Variants in CD82 observed in about 807,000 individuals in gnomAD.
CD82 encodes the protein CD82 molecule, also known as CD82 antigen.
Under a neutral mutation model 37.4 loss-of-function variants are expected in CD82, and 36 were observed. The ratio of observed to expected loss-of-function variants is 0.96; its 90% confidence interval spans 0.74 to 1.27. CD82 has a LOEUF of 1.27. Ranked by LOEUF, CD82 falls within the 50% of genes most tolerant of loss-of-function variation. CD82 has a pLI of 0.00. For missense variants in CD82, 340 were observed against 347.0 expected (o/e 0.98, Z 0.16); for synonymous variants, 158 against 137.4 (o/e 1.15, Z -1.05).
chr11:44,601,727 G>A (rs1339226197), intron 4 of CD82, among the ~76,000 whole-genome samples: 1 of 152,176 alleles, frequency 6.6e-6, no homozygotes, highest in Non-Finnish European at 1.5e-5. Flanking sequence ...AGGAGGGGGT[G>A]CATTTTACAA....
At chr11:44,605,518 C>G in intron 6 of CD82, 89 bp downstream of exon 6, 1 of 1,198,406 alleles carries the variant, frequency 8.3e-7, no homozygotes, top group Admixed American at 1.8e-5. Context: ...GGAACCCCCC[C>G]AGTTGTCACA....
chr11:44,579,200 A>G (rs1565081734), intron 1 of CD82, among the ~76,000 whole-genome samples: 1 of 152,018 alleles, frequency 6.6e-6, no homozygotes, highest in African/African-American at 2.4e-5. Flanking sequence ...CAAGGCTGAG[A>G]AAAATGTGCT....
chr11:44,568,380 G>A (rs1051629599), intron 1 of CD82, among the ~76,000 whole-genome samples: 1 of 152,162 alleles, frequency 6.6e-6, no homozygotes, highest in African/African-American at 2.4e-5. Context: ...TACATAGCAG[G>A]GTCTCAGGAA....
chr11:44,611,282 G>A (rs754973259), intron 6 of CD82, among the ~76,000 whole-genome samples: 1 of 152,224 alleles, frequency 6.6e-6, no homozygotes, highest in African/African-American at 2.4e-5. Flanking sequence ...GGCTCAGCTG[G>A]ATCCCAAAGG....
At chr11:44,613,168 C>T (rs1431717715) in intron 6 of CD82, among the ~76,000 whole-genome samples, 1 of 152,188 alleles carries the variant, frequency 6.6e-6, no homozygotes, top group African/African-American at 2.4e-5. Context: ...GGTGTGTGGC[C>T]TTCTCCTTGG....
intron 1 of CD82, among the ~76,000 whole-genome samples, chr11:44,566,728 C>G (rs1852740806): frequency 6.6e-6 from 1 of 152,216 alleles, no homozygotes; most frequent in African/African-American, 2.4e-5. Context: ...AGTGAGACCT[C>G]CCTCTGTGAC....
chr11:44,588,245 G>C (rs571918518), intron 2 of CD82, among the ~76,000 whole-genome samples: 1 of 148,390 alleles, frequency 6.7e-6, no homozygotes, highest in Non-Finnish European at 1.5e-5. Flanking sequence ...TTTTTTTTAG[G>C]TGGAGTCTCA....
intron 1 of CD82, among the ~76,000 whole-genome samples, chr11:44,566,823 GCTACAGC>G (rs1420554854): frequency 6.6e-6 from 1 of 152,024 alleles, no homozygotes; most frequent in Non-Finnish European, 1.5e-5. Flanking sequence ...GATGGGGTTG[GCTACAGC>G]CCCTCCTGAC....
intron 1 of CD82, among the ~76,000 whole-genome samples, chr11:44,576,855 A>G (rs1010399493): frequency 6.6e-6 from 1 of 152,198 alleles, no homozygotes; most frequent in Non-Finnish European, 1.5e-5. Flanking sequence ...TGAGGATGAC[A>G]GGGCAGGGAG....
intron 1 of CD82, among the ~76,000 whole-genome samples, chr11:44,579,682 G>C (rs1449042111): frequency 6.6e-6 from 1 of 152,176 alleles, no homozygotes; most frequent in Non-Finnish European, 1.5e-5. Flanking sequence ...TCCTGCCAGA[G>C]CTGCCAAGTG....
intron 1 of CD82, among the ~76,000 whole-genome samples, chr11:44,566,871 C>G (rs929082113): frequency 3.3e-5 from 5 of 151,946 alleles, no homozygotes; most frequent in African/African-American, 1.2e-4. Flanking sequence ...CCACCTGCCA[C>G]CAACATCACT....
intron 2 of CD82, among the ~76,000 whole-genome samples, chr11:44,592,452 C>T (rs1853159292): frequency 6.6e-6 from 1 of 152,196 alleles, no homozygotes; most frequent in South Asian, 2.1e-4. Context: ...TGGGAGGAGA[C>T]CTGGTCAGGC....
At chr11:44,604,300 C>T (rs145692780) in intron 4 of CD82, 114 of 153,426 alleles carry the variant, frequency 7.4e-4, no homozygotes, top group African/African-American at 2.7e-3. Flanking sequence ...ATGCAGCACA[C>T]CTGTAGCAAT....
chr11:44,600,316 C>T (rs1460487995), intron 4 of CD82, 86 bp downstream of exon 4: 25 of 1,265,164 alleles, frequency 2.0e-5, no homozygotes, highest in Admixed American at 8.7e-5. Flanking sequence ...ATAAGTGCTT[C>T]GGCTTCAATG....
chr11:44,579,910 A>G (rs562647785), intron 1 of CD82, among the ~76,000 whole-genome samples: 1 of 152,304 alleles, frequency 6.6e-6, no homozygotes, highest in Non-Finnish European at 1.5e-5. Flanking sequence ...GTTGCCTCAG[A>G]CACTCTGGGT....
intron 9 of CD82, 71 bp downstream of exon 9, chr11:44,618,794 T>A (rs545079990): frequency 3.7e-6 from 5 of 1,368,804 alleles, no homozygotes; most frequent in Non-Finnish European, 5.1e-6. Flanking sequence ...GCTGATCTCC[T>A]TGGGGAGGTG....
chr11:44,602,754 A>G lies in CD82; in HGVS notation c.137-2304A>G, dbSNP rs1388842008. Among the ~76,000 whole-genome samples, 6 of 152,178 alleles carry G rather than the reference A, an allele frequency of 3.9e-5. No individual in the cohort carries two copies. The South Asian group carries it at 1.0e-3, about 26-fold the overall frequency. On this transcript the variant is annotated intron_variant, in intron 4 of 9. Transcript: ENST00000227155. ...ACCTACTTCCTAAGTCAGCTTGCTC[A>G]GATATGGGGTAGGCCTGGGATCCTG... is the stretch of plus-strand genomic sequence containing the variant.
chr11:44,601,155 T>C (rs1417313008), intron 4 of CD82, among the ~76,000 whole-genome samples: 1 of 152,142 alleles, frequency 6.6e-6, no homozygotes, highest in Non-Finnish European at 1.5e-5. Context: ...CTCCCCTCGC[T>C]GAGTTTGGCC....
In CD82 at chr11:44,594,954, C is replaced by G. The variant is rs374900881; in HGVS notation, c.63+229C>G. 216 of 558,212 alleles carry G rather than the reference C, an allele frequency of 3.9e-4. No individual in the cohort carries two copies. In the South Asian group the frequency reaches 4.0e-3, roughly 10 times the overall value. The allele number at this position is 558,212 out of a possible 1,614,324, so 34.6% of individuals were successfully genotyped here. The stretch of plus-strand genomic sequence containing the variant: ...ACTGGATTCCTGACCCGGCCTTCCC[C>G]TCTCCTAGATCACCCAAAGCCTGGG... On this transcript the variant is annotated intron_variant, in intron 3 of 9. Transcript: ENST00000227155.
Sources: allele counts gnomAD v4.1 joint callset (sites outside exome capture counted in the v4.1 genomes callset), GRCh38; gene constraint gnomAD v4.1.1; transcripts MANE v1.5; gene names NCBI Gene and HGNC (gene_info 2026-07-23, HGNC 2026-07-21).